GSTCD: variants seen among roughly 807,000 people sequenced by gnomAD.
The protein encoded by GSTCD is glutathione S-transferase C-terminal domain-containing protein.
Under a neutral mutation model 68.3 loss-of-function variants are expected in GSTCD, and 44 were observed. The ratio of observed to expected loss-of-function variants is 0.64; its 90% CI spans 0.51 to 0.83. GSTCD has a LOEUF of 0.83. Among genes scored for constraint, GSTCD ranks in the 40% least tolerant of loss-of-function variants. The pLI, the probability that GSTCD is intolerant of heterozygous loss-of-function variation, is 0.00. For missense variants in GSTCD, 739 were observed against 735.9 expected, an observed-to-expected ratio of 1.00 and a Z score of -0.05; for synonymous variants, 273 against 255.2, an observed-to-expected ratio of 1.07 and a Z score of -0.67.
chr4:105,822,518 G>T (rs1723353644), intron 5 of GSTCD, among the ~76,000 whole-genome samples: 1 of 152,078 alleles, frequency 6.6e-6, no homozygotes, highest in African/African-American at 2.4e-5. Context: ...TAAGCAATGT[G>T]TTGAAATTAG....
At chr4:105,720,129 C>T (rs1468014616) in intron 3 of GSTCD, among the ~76,000 whole-genome samples, 3 of 151,810 alleles carry the variant, frequency 2.0e-5, no homozygotes, top group African/African-American at 7.3e-5. Context: ...ATAGATAGAA[C>T]GTTTTCTGAG....
At chr4:105,733,301 C>A (rs1001774264) in intron 5 of GSTCD, among the ~76,000 whole-genome samples, 2 of 152,084 alleles carry the variant, frequency 1.3e-5, no homozygotes, top group Non-Finnish European at 2.9e-5. Context: ...TAAAATCTCC[C>A]ATTATTATTG....
At chr4:105,797,760 C>CTTTTTTTTTTT (rs70941218) in intron 5 of GSTCD, among the ~76,000 whole-genome samples, 6 of 84,950 alleles carry the variant, frequency 7.1e-5, no homozygotes, top group African/African-American at 2.4e-4. Flanking sequence ...CACAATAGAA[C>CTTTTTTTTTTT]TTTTTTTTTT....
chr4:105,746,180 C>T (rs1733795702), intron 5 of GSTCD: 1 of 152,028 alleles, frequency 6.6e-6, no homozygotes, highest in Non-Finnish European at 1.5e-5. Flanking sequence ...AGTTGATTGA[C>T]ACATATTTTA....
chr4:105,845,672 T>A lies in GSTCD; in HGVS notation c.*95T>A. ...TCTTGGCATAACTAGGAAACAGCAT[T>A]AGCCATCTTGAACCTATTGTGCTCA... On this transcript the variant is annotated 3_prime_UTR_variant, in exon 12 of 12. Coordinates refer to ENST00000515279, the MANE Select transcript of GSTCD (RefSeq NM_001370181.1). The A allele has an allele frequency of 7.6e-7, 1 of 1,320,074 alleles. No individual in the cohort carries two copies. Among genetic ancestry groups the A allele is most frequent in the Non-Finnish European group, 1.1e-6 (1 of 932,490 alleles). The allele number at this position is 1,320,074 out of a possible 1,614,324, so 81.8% of individuals were successfully genotyped here.
At chr4:105,728,980 G>A (rs1733136653) in intron 4 of GSTCD, among the ~76,000 whole-genome samples, 1 of 152,134 alleles carries the variant, frequency 6.6e-6, no homozygotes, top group Admixed American at 6.6e-5. Flanking sequence ...TAAAGTGGTA[G>A]CTTTTAGGCT....
At chr4:105,834,241 C>A (rs1237875142) in intron 8 of GSTCD, among the ~76,000 whole-genome samples, 246 of 152,256 alleles carry the variant, frequency 1.6e-3, no homozygotes, top group African/African-American at 5.7e-3. Context: ...GTTAATTTTT[C>A]CACACTAAAA....
chr4:105,799,756 A>T (rs913609594), intron 5 of GSTCD, among the ~76,000 whole-genome samples: 5 of 152,098 alleles, frequency 3.3e-5, no homozygotes, highest in African/African-American at 1.2e-4. Flanking sequence ...TGACACAGAA[A>T]CATAAAGTGA....
intron 5 of GSTCD, among the ~76,000 whole-genome samples, chr4:105,730,262 A>G (rs1234348297): frequency 6.6e-6 from 1 of 152,212 alleles, no homozygotes; most frequent in African/African-American, 2.4e-5. Flanking sequence ...ATACCCAGTA[A>G]TGGGATGGCT....
intron 7 of GSTCD, chr4:105,823,493 G>T (rs533689488): frequency 5.2e-6 from 2 of 385,476 alleles, no homozygotes; most frequent in Non-Finnish European, 4.6e-6. Context: ...TTTTAAAAGA[G>T]GTTTATAGGT....
chr4:105,835,307 A>G (rs553791410), intron 9 of GSTCD, among the ~76,000 whole-genome samples: 2 of 152,112 alleles, frequency 1.3e-5, no homozygotes, highest in African/African-American at 4.8e-5. Flanking sequence ...ACCAGCACAG[A>G]TCCCACACCT....
intron 5 of GSTCD, among the ~76,000 whole-genome samples, chr4:105,742,762 T>C (rs142638426): frequency 0.01 from 1,530 of 150,974 alleles, 30 homozygotes; most frequent in African/African-American, 0.035. Context: ...TCACCCAGGC[T>C]GAAGTGCAGT....
In GSTCD at chr4:105,837,891, T is replaced by C. The variant is rs979743519; in HGVS notation, c.1695+2T>C. On this transcript the variant is annotated splice_donor_variant, in intron 10 of 11. Coordinates refer to ENST00000515279, the MANE Select transcript of GSTCD (RefSeq NM_001370181.1). LOFTEE classifies it high-confidence loss of function. ...TTCAAGAAAACTTTATCATACAAGG[T>C]AACCTTAAAAAGATCTAGATATCAT... 1 of 1,097,490 alleles carries C rather than the reference T, an allele frequency of 9.1e-7. No individual in the cohort carries two copies. Among genetic ancestry groups the C allele is most frequent in the Non-Finnish European group, 1.3e-6 (1 of 756,292 alleles). The allele number at this position is 1,097,490 out of a possible 1,614,324, so 68.0% of individuals were successfully genotyped here.
intron 9 of GSTCD, 23 bp from the exon 10 acceptor site, chr4:105,837,836 A>G: frequency 1.0e-6 from 1 of 981,116 alleles, no homozygotes; most frequent in Non-Finnish European, 1.5e-6. Flanking sequence ...AATGATGACT[A>G]ATTCCTTTTT....
chr4:105,823,055 T>C lies in GSTCD; in HGVS notation c.1342T>C (p.Phe448Leu). 6.2e-7 allele frequency: 1 copy of C among 1,613,448 alleles called. No individual in the cohort carries two copies. The highest frequency in any genetic ancestry group is 2.2e-5 in the East Asian group (1 of 44,874). The stretch of plus-strand genomic sequence containing the variant: ...CAAACCTGGTGACAGAATTGTGGAT[T>C]TCTGCAGCGGTGGGGTATTTTATCT... The part of the protein sequence containing the change: ...QAKPGDRIVD[F>L]CSGGGHVGIV... The change falls in exon 6 of 12, where the codon TTC becomes CTC. Residue 448 changes from phenylalanine to leucine, a missense_variant. Phe to Leu is a conservative substitution (Grantham distance 22, BLOSUM62 0). Transcript: ENST00000515279.
intron 5 of GSTCD, among the ~76,000 whole-genome samples, chr4:105,794,692 C>T (rs2149257775): frequency 6.6e-6 from 1 of 151,842 alleles, no homozygotes; most frequent in East Asian, 1.9e-4. Context: ...TTCTATTCAA[C>T]ATATCCTCAC....
intron 5 of GSTCD, among the ~76,000 whole-genome samples, chr4:105,763,763 G>A (rs1382055765): frequency 6.6e-6 from 1 of 152,068 alleles, no homozygotes; most frequent in African/African-American, 2.4e-5. Context: ...AATCAAATTT[G>A]TACTCTTTTG....
At chr4:105,732,676 G>A (rs1189850990) in intron 5 of GSTCD, among the ~76,000 whole-genome samples, 1 of 151,906 alleles carries the variant, frequency 6.6e-6, no homozygotes, top group Non-Finnish European at 1.5e-5. Flanking sequence ...AGGGTTTTTT[G>A]TGTCTCTATC....
chr4:105,844,021 CT>C lies in GSTCD; in HGVS notation c.1766-1419del, dbSNP rs1429704421. Among the ~76,000 whole-genome samples, 6 of 152,226 alleles carry C rather than the reference CT, an allele frequency of 3.9e-5. No individual in the cohort carries two copies. In the East Asian group the frequency reaches 1.2e-3, roughly 29 times the overall value. On this transcript the variant is annotated intron_variant, in intron 11 of 11. Coordinates refer to ENST00000515279, the MANE Select transcript of GSTCD (RefSeq NM_001370181.1). ...TCCTCCCCAGGCCCACAAAGGTAGA[CT>C]ATCAGCAGCTAAATTTCAGTTGTAG...
Sources: gnomAD v4.1 joint callset for allele counts (sites outside exome capture counted in the v4.1 genomes callset) on GRCh38, gnomAD v4.1.1 for gene constraint, MANE v1.5 for transcripts, NCBI Gene and HGNC (gene_info 2026-07-23, HGNC 2026-07-21) for gene names.